The following MEIG1 variants were observed in gnomAD, a reference collection of about 807,000 sequenced individuals.
The protein encoded by MEIG1 is meiosis expressed gene 1 protein homolog.
A neutral mutation model predicts 11.3 loss-of-function variants in MEIG1; 12 were observed. The observed-to-expected ratio is 1.07, with a 90% CI of 0.68 to 1.73. MEIG1 has a LOEUF of 1.73. MEIG1 is among the 40% of genes most tolerant of loss of function. The pLI is 0.00. For synonymous variants in MEIG1, 41 were observed against 33.2 expected (o/e 1.24, Z -0.81); for missense variants, 119 against 104.9 (o/e 1.13, Z -0.59).
chr10:14,971,242 C>T (rs181451342), intron 2 of MEIG1, among the ~76,000 whole-genome samples: 2 of 74,448 alleles, frequency 2.7e-5, no homozygotes, highest in East Asian at 3.1e-4. Context: ...ATAATAACAA[C>T]AATAAAGAAT....
Position 14,966,581 on chromosome 10 carries a change from A to T in MEIG1, c.113A>T (p.Tyr38Phe), listed in dbSNP as rs779769216. The change falls in exon 2 of 3, where the codon TAT becomes TTT. Residue 38 changes from tyrosine (Y) to phenylalanine (F), a missense_variant. Coordinates refer to ENST00000407572, the MANE Select transcript of MEIG1 (RefSeq NM_001080836.3). The part of the protein sequence containing the change: ...QQAGYRDETE[Y>F]RQVKQVSMVD... ...GCAGGATATCGGGATGAAACCGAAT[A>T]TAGACAAGTGAAACAAGTTTCTATG... The T allele has an allele frequency of 9.3e-6, 15 of 1,611,314 alleles. No individual in the cohort carries two copies. Among genetic ancestry groups the T allele is most frequent in the Non-Finnish European group, 1.3e-5 (15 of 1,179,214 alleles).
chr10:14,957,794 C>T (rs1480910065), upstream of MEIG1, among the ~76,000 whole-genome samples: 2 of 152,050 alleles, frequency 1.3e-5, no homozygotes, highest in African/African-American at 4.8e-5. Context: ...TACAGGTGCA[C>T]GCCACCACTC....
At chr10:14,982,974 G>T (rs1443487908) in intron 1 of MEIG1, among the ~76,000 whole-genome samples, 1 of 151,890 alleles carries the variant, frequency 6.6e-6, no homozygotes, top group Non-Finnish European at 1.5e-5. Flanking sequence ...CTTTTTATGA[G>T]CAATTATTTC....
chr10:14,975,263 G>C (rs140083510), downstream of MEIG1, among the ~76,000 whole-genome samples: 1,488 of 152,120 alleles, frequency 9.8e-3, 29 homozygotes, highest in African/African-American at 0.034. Flanking sequence ...CGCAGGCTGT[G>C]TACACCCACC....
intron 1 of MEIG1, among the ~76,000 whole-genome samples, chr10:14,965,255 T>C (rs959800642): frequency 3.8e-4 from 58 of 152,346 alleles, no homozygotes; most frequent in African/African-American, 1.4e-3. Flanking sequence ...GGAATCATAG[T>C]GAAAATTCTG....
chr10:14,974,425 G>T (rs1843189071), downstream of MEIG1, among the ~76,000 whole-genome samples: 1 of 152,108 alleles, frequency 6.6e-6, no homozygotes, highest in Non-Finnish European at 1.5e-5. Context: ...TTTCCCAGTT[G>T]AGAAGGTCGG....
chr10:14,957,757 T>A (rs1468055512), upstream of MEIG1, among the ~76,000 whole-genome samples: 1 of 152,178 alleles, frequency 6.6e-6, no homozygotes, highest in East Asian at 1.9e-4. Context: ...GCGATTCTCC[T>A]GCCTCAGCCT....
chr10:14,964,096 C>CAAAAA (rs370368866), intron 1 of MEIG1, among the ~76,000 whole-genome samples: 2 of 117,826 alleles, frequency 1.7e-5, no homozygotes, highest in Admixed American at 8.6e-5. Context: ...GACTCCGTCT[C>CAAAAA]AAAAAAAAAA....
chr10:14,977,371 TTAC>T (rs1843219918), downstream of MEIG1, among the ~76,000 whole-genome samples: 1 of 151,308 alleles, frequency 6.6e-6, no homozygotes, highest in African/African-American at 2.4e-5. Flanking sequence ...TAGCAGGATA[TTAC>T]TACTAATGCC....
chr10:14,954,642 A>G (rs892151017), upstream of MEIG1, among the ~76,000 whole-genome samples: 4 of 152,142 alleles, frequency 2.6e-5, no homozygotes, highest in African/African-American at 9.7e-5. Flanking sequence ...TCTTGGGGCA[A>G]ATAAGATCCC....
At chr10:14,978,556 G>T (rs557404829) in intron 1 of MEIG1, among the ~76,000 whole-genome samples, 1 of 152,090 alleles carries the variant, frequency 6.6e-6, no homozygotes, top group South Asian at 2.1e-4. Flanking sequence ...AAGTCACAAT[G>T]CATGTACACC....
chr10:14,962,245 A>C (rs1411797651), intron 1 of MEIG1, among the ~76,000 whole-genome samples: 1 of 152,212 alleles, frequency 6.6e-6, no homozygotes, highest in African/African-American at 2.4e-5. Flanking sequence ...AAGGAATTGT[A>C]AGTTGATCTT....
upstream of MEIG1, among the ~76,000 whole-genome samples, chr10:14,959,283 C>T (rs34021689): frequency 2.0e-5 from 3 of 152,220 alleles, no homozygotes; most frequent in Non-Finnish European, 2.9e-5. Flanking sequence ...CCGGCGCCCA[C>T]CCCAGCCCTC....
At chr10:14,983,780 T>G (rs1297238051) in intron 1 of MEIG1, among the ~76,000 whole-genome samples, 2 of 151,974 alleles carry the variant, frequency 1.3e-5, no homozygotes, top group Non-Finnish European at 2.9e-5. Context: ...ATCCCCCCAG[T>G]GATACGGTCC....
chr10:14,963,971 G>A (rs1462207726), intron 1 of MEIG1, among the ~76,000 whole-genome samples: 3 of 151,858 alleles, frequency 2.0e-5, no homozygotes, highest in African/African-American at 4.8e-5. Flanking sequence ...GGTAGTGGGC[G>A]CCTGTAGTCC....
At position 14,971,197 on chromosome 10, in the gene MEIG1, G is replaced by A. The variant is rs188960412; in HGVS notation, c.139-1316G>A. Among the ~76,000 whole-genome samples the A allele has an allele frequency of 1.7e-4, 14 of 80,178 alleles. No homozygotes were observed. In the East Asian group the frequency reaches 2.6e-3, roughly 15 times the overall value. The allele number at this position is 80,178 out of a possible 152,430, so 52.6% of individuals were successfully genotyped here. A position where few individuals can be genotyped will look rare whatever the true frequency, so the allele number is the denominator to read the frequency against. ...AGACCAGGAGTTTGAGACCAACCTC[G>A]GCAACATATAATAATAATGATAATA... On this transcript the variant is annotated intron_variant, in intron 2 of 2. Transcript: ENST00000407572.
chr10:14,965,887 A>C (rs1439920839), intron 1 of MEIG1, among the ~76,000 whole-genome samples: 1 of 152,106 alleles, frequency 6.6e-6, no homozygotes, highest in Non-Finnish European at 1.5e-5. Flanking sequence ...TAAAGAAAAA[A>C]ACAGTTTTGT....
At chr10:14,975,999 A>G (rs1364447815), downstream of MEIG1, among the ~76,000 whole-genome samples, 1 of 152,174 alleles carries the variant, frequency 6.6e-6, no homozygotes, top group African/African-American at 2.4e-5. Flanking sequence ...GATATTACTG[A>G]CAATAACGTC....
Position 14,982,051 on chromosome 10 carries a change from T to C in MEIG1, n.67-4745T>C, listed in dbSNP as rs528913797. Among the ~76,000 whole-genome samples the C allele has an allele frequency of 2.0e-5, 3 of 152,366 alleles. No homozygotes were observed. In the South Asian group the frequency reaches 6.2e-4, roughly 32 times the overall value. On this transcript the variant is annotated intron_variant and non_coding_transcript_variant, in intron 1 of 2. Transcript: ENST00000467536. ...GCTTCTGCAGTTTTCTTCTAAGGTC[T>C]TCCGCGCTTTGATGGATTAAAGCCA... is the stretch of plus-strand genomic sequence containing the variant.
Sources: allele counts gnomAD v4.1 joint callset (sites outside exome capture counted in the v4.1 genomes callset), GRCh38; gene constraint gnomAD v4.1.1; transcripts MANE v1.5; gene names NCBI Gene and HGNC (gene_info 2026-07-23, HGNC 2026-07-21).